The following PXDNL variants were observed in gnomAD, a reference collection of about 807,000 sequenced individuals.
PXDNL encodes peroxidasin like.
PXDNL carries 145 observed loss-of-function variants against 150.8 expected under a neutral mutation model. The observed-to-expected ratio is 0.96, with a 90% CI of 0.84 to 1.10. The LOEUF is 1.10. PXDNL is among the 50% of genes least tolerant of loss of function. The pLI is 0.00. For synonymous variants in PXDNL, 757 were observed against 725.7 expected, an observed-to-expected ratio of 1.04 and a Z score of -0.69; for missense variants, 2,087 against 1,873.9, an observed-to-expected ratio of 1.11 and a Z score of -2.10.
intron 8 of PXDNL, among the ~76,000 whole-genome samples, chr8:51,459,974 A>G (rs1315621143): frequency 6.6e-6 from 1 of 152,136 alleles, no homozygotes; most frequent in Admixed American, 6.5e-5. Context: ...ATGGTCACGC[A>G]CAGTGACTCA....
rs1325902786 is a variant in PXDNL, at chr8:51,390,075, A to AT, written c.3558-15345dup. ...GCCATGCCCCCCCCACCAAAAAAAA[A>AT]TTCCATTCTAGCTAAAAAATGTTAT... On this transcript the variant is annotated intron_variant, in intron 17 of 22. Transcript: ENST00000356297. Among the ~76,000 whole-genome samples the AT allele has an allele frequency of 1.9e-3, 291 of 152,306 alleles. 3 individuals carry two copies. The highest frequency in any genetic ancestry group is 6.5e-3 in the African/African-American group (271 of 41,570).
intron 1 of PXDNL, among the ~76,000 whole-genome samples, chr8:51,715,015 A>G (rs1816584746): frequency 6.6e-6 from 1 of 152,230 alleles, no homozygotes; most frequent in South Asian, 2.1e-4. Flanking sequence ...TGAGAGCAGC[A>G]TTAGTTGCCA....
intron 8 of PXDNL, among the ~76,000 whole-genome samples, chr8:51,463,252 CAAG>C (rs2130036735): frequency 6.6e-6 from 1 of 152,152 alleles, no homozygotes; most frequent in South Asian, 2.1e-4. Context: ...ACAAGCTAAA[CAAG>C]AAGATCAAAA....
chr8:51,757,673 C>T (rs1357821038), intron 1 of PXDNL, among the ~76,000 whole-genome samples: 1 of 152,144 alleles, frequency 6.6e-6, no homozygotes. Flanking sequence ...GTTTTTATTA[C>T]TTTGATCAGT....
At chr8:51,690,520 T>C (rs917889992) in intron 1 of PXDNL, among the ~76,000 whole-genome samples, 17 of 152,174 alleles carry the variant, frequency 1.1e-4, no homozygotes, top group African/African-American at 3.9e-4. Flanking sequence ...TATGGCTGCA[T>C]AGTATTCCAT....
intron 19 of PXDNL, among the ~76,000 whole-genome samples, chr8:51,369,795 A>G (rs1456943549): frequency 6.6e-6 from 1 of 152,230 alleles, no homozygotes; most frequent in Admixed American, 6.5e-5. Flanking sequence ...CTTGATAAGA[A>G]CGCTGCACAA....
At chr8:51,761,734 G>C (rs1042864339) in intron 1 of PXDNL, among the ~76,000 whole-genome samples, 1 of 152,056 alleles carries the variant, frequency 6.6e-6, no homozygotes, top group African/African-American at 2.4e-5. Flanking sequence ...TCTAAAGTTT[G>C]TTGTCTGAGA....
intron 4 of PXDNL, among the ~76,000 whole-genome samples, chr8:51,503,498 G>A (rs1811228039): frequency 6.6e-6 from 1 of 152,156 alleles, no homozygotes; most frequent in Admixed American, 6.5e-5. Flanking sequence ...CAAATAAGGA[G>A]GGAGTCAGCT....
chr8:51,555,985 T>C (rs1028688762), intron 4 of PXDNL, among the ~76,000 whole-genome samples: 13 of 152,102 alleles, frequency 8.5e-5, no homozygotes, highest in African/African-American at 3.1e-4. Flanking sequence ...ATAATAATGC[T>C]ACAGGGCTAG....
chr8:51,788,405 C>G (rs977464424), intron 1 of PXDNL, among the ~76,000 whole-genome samples: 1 of 152,180 alleles, frequency 6.6e-6, no homozygotes, highest in African/African-American at 2.4e-5. Flanking sequence ...CAAAAGCCAC[C>G]ACTCAATTGT....
intron 3 of PXDNL, among the ~76,000 whole-genome samples, chr8:51,563,835 A>G (rs1296326408): frequency 6.6e-6 from 1 of 152,032 alleles, no homozygotes; most frequent in Admixed American, 6.6e-5. Context: ...TCTGCTCAAT[A>G]TATTTAAAAG....
chr8:51,324,690 C>T (rs1805430876), intron 21 of PXDNL, among the ~76,000 whole-genome samples: 1 of 152,138 alleles, frequency 6.6e-6, no homozygotes, highest in Non-Finnish European at 1.5e-5. Flanking sequence ...CTGATTCTTT[C>T]CCCTCTGATC....
intron 12 of PXDNL, among the ~76,000 whole-genome samples, chr8:51,446,799 A>G (rs190801313): frequency 6.6e-6 from 1 of 152,274 alleles, no homozygotes; most frequent in East Asian, 1.9e-4. Context: ...ACATAATCAT[A>G]ATTAGTATGA....
chr8:51,659,353 C>T (rs1815220806), intron 1 of PXDNL, among the ~76,000 whole-genome samples: 1 of 152,100 alleles, frequency 6.6e-6, no homozygotes, highest in Admixed American at 6.5e-5. Context: ...CTCTACTCTC[C>T]CCAGCACAAG....
chr8:51,625,234 G>A (rs1042685110), intron 2 of PXDNL, among the ~76,000 whole-genome samples: 2 of 152,210 alleles, frequency 1.3e-5, no homozygotes, highest in Middle Eastern at 3.4e-3. Context: ...CAGAAACTTC[G>A]TTAGCATCCT....
intron 20 of PXDNL, among the ~76,000 whole-genome samples, chr8:51,343,633 C>A (rs1239577192): frequency 6.6e-6 from 1 of 152,060 alleles, no homozygotes; most frequent in East Asian, 1.9e-4. Flanking sequence ...GAGGTAAAAC[C>A]TGGGTGTGGC....
chr8:51,397,328 ATTTCTGG>A (rs1403026400), intron 17 of PXDNL, among the ~76,000 whole-genome samples: 1 of 152,210 alleles, frequency 6.6e-6, no homozygotes, highest in African/African-American at 2.4e-5. Context: ...TGTTGTTTAA[ATTTCTGG>A]TTTGCTATTT....
chr8:51,746,546 G>A lies in PXDNL; in HGVS notation c.164+62635C>T, dbSNP rs188976597. Among the ~76,000 whole-genome samples the A allele has an allele frequency of 9.9e-5, 15 of 152,220 alleles. No individual in the cohort carries two copies. In the East Asian group the frequency reaches 2.9e-3, roughly 29 times the overall value. On this transcript the variant is annotated intron_variant, in intron 1 of 22. Transcript: ENST00000356297. Reference sequence around the variant, plus strand: ...GAGCATCCATTTTTGGCATTGGTGAGTCTTGATTACCATTTCTGGGGCAAC... The same window carrying A: ...GAGCATCCATTTTTGGCATTGGTGAATCTTGATTACCATTTCTGGGGCAAC...
chr8:51,556,784 C>G, intron 4 of PXDNL, 56 bp downstream of exon 4: 1 of 916,288 alleles, frequency 1.1e-6, no homozygotes, highest in Middle Eastern at 3.0e-4. Context: ...ATTTAAAAAG[C>G]TGTCTATTTG....
Sources: gnomAD v4.1 joint callset for allele counts (sites outside exome capture counted in the v4.1 genomes callset) on GRCh38, gnomAD v4.1.1 for gene constraint, MANE v1.5 for transcripts, NCBI Gene and HGNC (gene_info 2026-07-23, HGNC 2026-07-21) for gene names.